ESR1: variants seen among roughly 807,000 people sequenced by gnomAD.
ESR1 encodes the protein estrogen receptor 1.
In ESR1, 12 loss-of-function variants were observed where a neutral mutation model predicts 52.7. The ratio of observed to expected loss-of-function variants is 0.23; its 90% CI spans 0.15 to 0.37. The LOEUF is 0.37. Among genes scored for constraint, ESR1 ranks in the 10% least tolerant of loss-of-function variants. ESR1 has a pLI of 1.00. For synonymous variants in ESR1, 305 were observed against 316.8 expected, an observed-to-expected ratio of 0.96 and a Z score of 0.39; for missense variants, 584 against 779.7, an observed-to-expected ratio of 0.75 and a Z score of 2.99.
chr6:151,657,183 A>C (rs1247116927), intron 1 of ESR1, among the ~76,000 whole-genome samples: 1 of 152,176 alleles, frequency 6.6e-6, no homozygotes, highest in South Asian at 2.1e-4. Context: ...AAACTGATTT[A>C]GATAGGCAGT....
At chr6:151,829,058 T>C (rs1781962660) in intron 1 of ESR1, among the ~76,000 whole-genome samples, 1 of 152,214 alleles carries the variant, frequency 6.6e-6, no homozygotes, top group Non-Finnish European at 1.5e-5. Flanking sequence ...TGTGTGATTA[T>C]GTTTAAGAAT....
rs762402090 is a variant in ESR1, at chr6:152,094,376, C to T, written c.1370-9C>T. 86 of 1,612,806 alleles carry T rather than the reference C, an allele frequency of 5.3e-5. No homozygotes were observed. The highest frequency in any genetic ancestry group is 3.3e-4 in the Middle Eastern group (2 of 6,082). On this transcript the variant is annotated splice_polypyrimidine_tract_variant and intron_variant, in intron 6 of 7. Coordinates refer to ENST00000206249, the MANE Select transcript of ESR1 (RefSeq NM_000125.4). The surrounding 1 kb of genome is among the most constrained non-coding windows in gnomAD (Gnocchi z 4.6). ...GCTTCTCTCTCTCACTCTCTCTCTGCGCATTCAGGAGTGTACACATTTCTG... is the reference window on the plus strand; with the variant it reads ...GCTTCTCTCTCTCACTCTCTCTCTGTGCATTCAGGAGTGTACACATTTCTG...
At chr6:151,982,577 C>T (rs1023792655) in intron 4 of ESR1, among the ~76,000 whole-genome samples, 22 of 150,188 alleles carry the variant, frequency 1.5e-4, no homozygotes, top group Non-Finnish European at 2.7e-4. Flanking sequence ...CTCCGCCTCC[C>T]GGGTTCAAGC....
At chr6:151,784,412 A>T (rs1467493894) in intron 2 of ESR1, among the ~76,000 whole-genome samples, 3 of 152,226 alleles carry the variant, frequency 2.0e-5, no homozygotes, top group African/African-American at 7.2e-5. Flanking sequence ...TATAGAGAAG[A>T]TATGTTTTTA....
At chr6:152,107,023 C>G (rs184376283), downstream of ESR1, among the ~76,000 whole-genome samples, 2 of 152,210 alleles carry the variant, frequency 1.3e-5, no homozygotes, top group East Asian at 3.9e-4. Context: ...TTCTTTATTG[C>G]TTTTAAGATT....
At chr6:152,076,976 C>T (rs2048786196) in intron 6 of ESR1, among the ~76,000 whole-genome samples, 1 of 152,138 alleles carries the variant, frequency 6.6e-6, no homozygotes, top group Admixed American at 6.5e-5. Context: ...AAGCTGGCTG[C>T]AGAAATTTGC....
chr6:151,874,316 A>C (rs569792061), intron 2 of ESR1, among the ~76,000 whole-genome samples: 1 of 152,272 alleles, frequency 6.6e-6, no homozygotes, highest in East Asian at 1.9e-4. Flanking sequence ...CATTTATTTA[A>C]AAAATTATAA....
intron 4 of ESR1, among the ~76,000 whole-genome samples, chr6:152,004,209 C>T (rs891685747): frequency 6.6e-6 from 1 of 151,984 alleles, no homozygotes; most frequent in Non-Finnish European, 1.5e-5. Context: ...AAACTGTGCA[C>T]ATGAGCTGAT....
intron 2 of ESR1, among the ~76,000 whole-genome samples, chr6:151,781,139 G>A (rs1047093888): frequency 2.6e-5 from 4 of 152,206 alleles, no homozygotes; most frequent in African/African-American, 9.7e-5. Context: ...AGGAAACTGA[G>A]ACTCAAATAT....
rs543784026 is a variant in ESR1, at chr6:151,765,133, A to G, written c.-70-42710A>G. Among the ~76,000 whole-genome samples the G allele has an allele frequency of 3.3e-5, 5 of 152,364 alleles. No homozygotes were observed. The East Asian group carries it at 9.6e-4, about 29-fold the overall frequency. ...TTCTAAATATAACAATTATTAATGA[A>G]AAATATTACATTCTTTTGGCTTTGT... On this transcript the variant is annotated intron_variant, in intron 2 of 2. Transcript: ENST00000404742.
At chr6:151,739,237 T>C (rs1053365208) in intron 2 of ESR1, among the ~76,000 whole-genome samples, 9 of 151,888 alleles carry the variant, frequency 5.9e-5, no homozygotes, top group African/African-American at 2.2e-4. Context: ...TATGTCAGAG[T>C]TGCAAGGACC....
intron 2 of ESR1, chr6:151,702,051 T>C (rs1014368258): frequency 6.6e-6 from 1 of 152,240 alleles, no homozygotes; most frequent in African/African-American, 2.4e-5. Flanking sequence ...CCTGACTTTG[T>C]CCGTGAATTG....
At chr6:151,770,119 G>T (rs1295125634) in intron 2 of ESR1, among the ~76,000 whole-genome samples, 1 of 152,040 alleles carries the variant, frequency 6.6e-6, no homozygotes, top group Non-Finnish European at 1.5e-5. Flanking sequence ...GGGCATGATA[G>T]GTGAGTTAAG....
chr6:152,079,865 T>C (rs1393391959), intron 6 of ESR1, among the ~76,000 whole-genome samples: 1 of 152,160 alleles, frequency 6.6e-6, no homozygotes, highest in African/African-American at 2.4e-5. Flanking sequence ...CGATAGCTGA[T>C]TTGATCAAGT....
intron 3 of ESR1, among the ~76,000 whole-genome samples, chr6:151,899,405 C>T (rs2128399683): frequency 7.3e-6 from 1 of 136,586 alleles, no homozygotes; most frequent in East Asian, 2.4e-4. Context: ...AGGGGCTCCT[C>T]ACTTCCCAGT....
chr6:151,977,157 G>A (rs2039514427), intron 4 of ESR1, among the ~76,000 whole-genome samples: 1 of 152,128 alleles, frequency 6.6e-6, no homozygotes, highest in African/African-American at 2.4e-5. Context: ...AGGTAAGCCA[G>A]CCTGAAGATA....
intron 3 of ESR1, among the ~76,000 whole-genome samples, chr6:151,907,638 A>G (rs1195958070): frequency 6.6e-6 from 1 of 152,116 alleles, no homozygotes; most frequent in Non-Finnish European, 1.5e-5. Flanking sequence ...ACATACTATA[A>G]TTTATTTAAT....
intron 6 of ESR1, among the ~76,000 whole-genome samples, chr6:152,113,574 T>TTGTGTGTGTGTGTGTG (rs149373494): frequency 2.7e-5 from 4 of 149,224 alleles, no homozygotes; most frequent in African/African-American, 9.8e-5. Flanking sequence ...AGATCTCATA[T>TTGTGTGTGTGTGTGTG]TGTGTGTGTG....
At position 151,777,450 on chromosome 6, in the gene ESR1, G is replaced by T. The variant is rs191962436; in HGVS notation, c.-70-30393G>T. Among the ~76,000 whole-genome samples, 459 of 152,190 alleles carry T rather than the reference G, an allele frequency of 3.0e-3. 1 individual carries two copies. Among genetic ancestry groups the T allele is most frequent in the Non-Finnish European group, 5.2e-3 (355 of 68,012 alleles). On this transcript the variant is annotated intron_variant, in intron 2 of 2. Coordinates refer to the ESR1 transcript ENST00000404742. ...CTATTTTTTAACCAGTCCCAAGTAAGGGTATTGGTTAGGGTTGAGGCAATG... is the reference window on the plus strand; with the variant it reads ...CTATTTTTTAACCAGTCCCAAGTAATGGTATTGGTTAGGGTTGAGGCAATG...
Sources: allele counts gnomAD v4.1 joint callset (sites outside exome capture counted in the v4.1 genomes callset), GRCh38; gene constraint gnomAD v4.1.1; non-coding constraint Gnocchi (gnomAD v3.1); transcripts MANE v1.5; gene names NCBI Gene and HGNC (gene_info 2026-07-23, HGNC 2026-07-21).